LTN1: variants seen among roughly 807,000 people sequenced by gnomAD.
LTN1 encodes the protein E3 ubiquitin-protein ligase listerin.
In LTN1, 88 loss-of-function variants were observed where a neutral mutation model predicts 201.2. The observed-to-expected ratio is 0.44, with a 90% confidence interval of 0.37 to 0.52. LTN1 has a LOEUF of 0.52. Ranked by LOEUF, LTN1 falls within the 20% of genes least tolerant of loss-of-function variation. The pLI, the probability that LTN1 is intolerant of heterozygous loss-of-function variation, is 0.00. For missense variants in LTN1, 1,752 were observed against 2,038.7 expected (o/e 0.86, Z 2.71); for synonymous variants, 645 against 713.5 (o/e 0.90, Z 1.53).
At chr21:28,958,129 G>A (rs2247809) in intron 14 of LTN1, among the ~76,000 whole-genome samples, 49,327 of 152,030 alleles carry the variant, frequency 0.32, 8,728 homozygotes, top group East Asian at 0.54. Flanking sequence ...TAAGAGTCCT[G>A]TAGATTTGTT....
At chr21:28,939,984 A>G (rs552677284) in intron 25 of LTN1, among the ~76,000 whole-genome samples, 2 of 152,374 alleles carry the variant, frequency 1.3e-5, no homozygotes, top group South Asian at 2.1e-4. Flanking sequence ...GCAAAAATTG[A>G]TATCTTTGTA....
intron 6 of LTN1, among the ~76,000 whole-genome samples, chr21:28,978,206 T>A (rs2084631646): frequency 6.6e-6 from 1 of 152,094 alleles, no homozygotes; most frequent in East Asian, 1.9e-4. Flanking sequence ...TTTTTAATTA[T>A]TTTTTTGTAG....
At chr21:28,980,947 AAAGT>A (rs1224923922) in intron 6 of LTN1, among the ~76,000 whole-genome samples, 168 bp downstream of exon 6, 1 of 152,364 alleles carries the variant, frequency 6.6e-6, no homozygotes, top group African/African-American at 2.4e-5. Context: ...ACTAAATAAA[AAAGT>A]AAAAACAGAG....
intron 1 of LTN1, among the ~76,000 whole-genome samples, chr21:28,988,196 G>A (rs1221068748): frequency 6.6e-6 from 1 of 151,424 alleles, no homozygotes; most frequent in Non-Finnish European, 1.5e-5. Flanking sequence ...GCCAGGCAAG[G>A]TGGCTCATGC....
rs146087919 is a variant in LTN1, at chr21:28,966,406, A to T, written c.2085T>A (p.Asp695Glu). The T allele has an allele frequency of 8.7e-6, 14 of 1,609,442 alleles. No homozygotes were observed. Among genetic ancestry groups the T allele is most frequent in the Middle Eastern group, 1.7e-4 (1 of 6,012 alleles). The change falls in exon 10 of 30, where the codon GAT becomes GAA. Residue 695 changes from aspartate (D) to glutamate (E), a missense_variant. Coordinates refer to ENST00000361371, the MANE Select transcript of LTN1 (RefSeq NM_015565.3). ...LYSALRCCDN[D>E]MERKKVLDDL... Reference sequence around the variant, plus strand: ...CATCCAAGACTTTTTTTCTTTCCATATCATTGTCACAGCACCGGAGAGCAC... The same window carrying T: ...CATCCAAGACTTTTTTTCTTTCCATTTCATTGTCACAGCACCGGAGAGCAC...
rs556212205 is a variant in LTN1 at position 28,987,882 on chromosome 21, G to A, written c.43-948C>T. Among the ~76,000 whole-genome samples, 9 of 152,188 alleles carry A rather than the reference G, an allele frequency of 5.9e-5. No individual in the cohort carries two copies. The East Asian group carries it at 1.4e-3, about 23-fold the overall frequency. Reference sequence around the variant, plus strand: ...ATACCGGCCGGGCACAGTGGCTCACGCCTGTAATCTCAGCACTTTGGAAGG... The same window carrying A: ...ATACCGGCCGGGCACAGTGGCTCACACCTGTAATCTCAGCACTTTGGAAGG... On this transcript the variant is annotated intron_variant, in intron 1 of 29. Coordinates refer to ENST00000361371, the MANE Select transcript of LTN1 (RefSeq NM_015565.3).
chr21:28,936,754 A>G, intron 25 of LTN1, 57 bp from the exon 26 acceptor site: 1 of 1,338,886 alleles, frequency 7.5e-7, no homozygotes, highest in Non-Finnish European at 1.0e-6. Flanking sequence ...AATTGGTATA[A>G]AAGAACAACT....
chr21:28,958,529 G>T lies in LTN1; in HGVS notation c.2604C>A (p.Ile868=). The T allele has an allele frequency of 6.3e-7, 1 of 1,593,712 alleles. No individual in the cohort carries two copies. Among genetic ancestry groups the T allele is most frequent in the Non-Finnish European group, 8.5e-7 (1 of 1,173,080 alleles). The change falls in exon 14 of 30, where the codon ATC becomes ATA. Residue 868 remains isoleucine (I), a synonymous_variant. Transcript: ENST00000361371. Reference sequence around the variant, plus strand: ...AGAGCCAAGTATTTTTCAGTTTACAGATAAGAAAATCTAAAATCAAGATGT... The same window carrying T: ...AGAGCCAAGTATTTTTCAGTTTACATATAAGAAAATCTAAAATCAAGATGT... The part of the protein sequence containing the change: ...KEKTHLPDFL[I]CKLKNTWLSG...
At chr21:28,966,020 A>G (rs2084519190) in intron 10 of LTN1, 114 bp from the exon 11 acceptor site, 1 of 679,884 alleles carries the variant, frequency 1.5e-6, no homozygotes, top group South Asian at 1.9e-5. Flanking sequence ...CCAATGTCTC[A>G]CCTCAGCCTC....
rs1168963060 is a variant in LTN1, at chr21:28,967,330, G to T, written c.1312-151C>A. The T allele has an allele frequency of 4.8e-6, 3 of 627,850 alleles. No individual in the cohort carries two copies. The African/African-American group carries it at 5.5e-5, about 12-fold the overall frequency. 38.9% of individuals were successfully genotyped at this position (627,850 alleles called of 1,614,324 possible). A position where few individuals can be genotyped will look rare whatever the true frequency, so the allele number is the denominator to read the frequency against. On this transcript the variant is annotated intron_variant, in intron 9 of 29. Coordinates refer to ENST00000361371, the MANE Select transcript of LTN1 (RefSeq NM_015565.3). ...ATGGCTGGCAGCACCTGTATAGCAG[G>T]ATGGGGGCTGATCACCAGAAAGACC...
At position 28,957,456 on chromosome 21, in the gene LTN1, G is replaced by A. The variant is rs569604419; in HGVS notation, c.2768C>T (p.Ala923Val). ...DINSLQVLLS[A>V]VDDLLNTLLE... Reference sequence around the variant, plus strand: ...AAGTGTATTTAGCAAATCATCAACAGCAGACAAGAGGACTTGGAGACTAAA... The same window carrying A: ...AAGTGTATTTAGCAAATCATCAACAACAGACAAGAGGACTTGGAGACTAAA... The change falls in exon 15 of 30, where the codon GCT (alanine) becomes GTT (valine). Residue 923 changes from alanine to valine, a missense_variant. This residue lies in a region of LTN1 where 1,211 missense variants were observed against 1,312.8 expected (regional missense o/e 0.92). Coordinates refer to ENST00000361371, the MANE Select transcript of LTN1 (RefSeq NM_015565.3). 2 of 1,572,114 alleles carry A rather than the reference G, an allele frequency of 1.3e-6. No homozygotes were observed. Among genetic ancestry groups the A allele is most frequent in the East Asian group, 4.5e-5 (2 of 44,222 alleles).
intron 25 of LTN1, among the ~76,000 whole-genome samples, chr21:28,939,509 T>C (rs2084281157): frequency 6.6e-6 from 1 of 152,210 alleles, no homozygotes; most frequent in African/African-American, 2.4e-5. Context: ...TAACCCATGA[T>C]TTAGGAACAT....
intron 9 of LTN1, among the ~76,000 whole-genome samples, chr21:28,968,261 G>T (rs1398970381): frequency 6.6e-6 from 1 of 152,004 alleles, no homozygotes; most frequent in African/African-American, 2.4e-5. Context: ...GCATCTTCTG[G>T]ATTTAAGTGT....
chr21:28,973,075 T>C (rs184351801), intron 6 of LTN1, among the ~76,000 whole-genome samples: 130 of 152,196 alleles, frequency 8.5e-4, no homozygotes, highest in African/African-American at 3.1e-3. Flanking sequence ...AGGCCGGGCA[T>C]GGTGGCTCAC....
In LTN1 at chr21:28,981,177, A is replaced by C; in HGVS notation, c.752T>G (p.Phe251Cys). Residue 251 changes from phenylalanine (F) to cysteine (C), a missense_variant, in exon 6 of 30, where the codon TTT becomes TGT. Physicochemically the swap from Phe to Cys is radical, Grantham distance 205. This residue lies in a region of LTN1 where 280 missense variants were observed against 375.7 expected (regional missense o/e 0.75). Coordinates refer to ENST00000361371, the MANE Select transcript of LTN1 (RefSeq NM_015565.3). Reference protein sequence around the residue: ...DNELDSLEEKFKSLLSQNKFW... With the variant: ...DNELDSLEEKCKSLLSQNKFW... ...CTTATTCTGTGATAAAAGAGACTTAAATTTCTCCTCCAGAGAATCAAGCTC... is the reference window on the plus strand; with the variant it reads ...CTTATTCTGTGATAAAAGAGACTTACATTTCTCCTCCAGAGAATCAAGCTC... The C allele has an allele frequency of 2.5e-6, 4 of 1,596,894 alleles. No individual in the cohort carries two copies. The highest frequency in any genetic ancestry group is 3.4e-6 in the Non-Finnish European group (4 of 1,175,158).
chr21:28,935,129 G>T lies in LTN1; in HGVS notation c.4855C>A (p.Gln1619Lys), dbSNP rs2084244035. 1 of 1,609,008 alleles carries T rather than the reference G, an allele frequency of 6.2e-7. No individual in the cohort carries two copies. Among genetic ancestry groups the T allele is most frequent in the African/African-American group, 1.3e-5 (1 of 74,952 alleles). Residue 1619 changes from glutamine to lysine, a missense_variant, in exon 27 of 30, where the codon CAA becomes AAA. By Grantham distance (53) the Gln-to-Lys change is moderately conservative. This residue lies in a region of LTN1 where 261 missense variants were observed against 350.1 expected (regional missense o/e 0.75). Coordinates refer to ENST00000361371, the MANE Select transcript of LTN1 (RefSeq NM_015565.3). ...QEISSVQTST[Q>K]LFNGMTVKAR... Reference sequence around the variant, plus strand: ...CTAACCGTCATGCCATTAAATAGTTGTGTACTTGTTTGTACAGAAGATATT... The same window carrying T: ...CTAACCGTCATGCCATTAAATAGTTTTGTACTTGTTTGTACAGAAGATATT...
At chr21:28,958,279 G>A (rs750699258) in intron 14 of LTN1, 107 bp downstream of exon 14, 1 of 1,030,924 alleles carries the variant, frequency 9.7e-7, no homozygotes, top group Non-Finnish European at 1.4e-6. Context: ...ATAGGGACGA[G>A]CCCTACAAGT....
chr21:28,990,270 C>T (rs1475285595), intron 1 of LTN1, among the ~76,000 whole-genome samples: 1 of 152,166 alleles, frequency 6.6e-6, no homozygotes, highest in Non-Finnish European at 1.5e-5. Context: ...ACCTGACATC[C>T]AGTATCAGAG....
intron 6 of LTN1, among the ~76,000 whole-genome samples, chr21:28,971,864 T>C (rs1368076039): frequency 1.3e-5 from 2 of 152,060 alleles, no homozygotes; most frequent in African/African-American, 2.4e-5. Flanking sequence ...AACAAAAGTT[T>C]TAAAAAACTT....
Sources: allele counts gnomAD v4.1 joint callset (sites outside exome capture counted in the v4.1 genomes callset), GRCh38; gene constraint gnomAD v4.1.1; regional missense constraint gnomAD v4.1.1; transcripts MANE v1.5; gene names NCBI Gene and HGNC (gene_info 2026-07-23, HGNC 2026-07-21).